The following CDH13 variants were observed in gnomAD, a reference collection of about 807,000 sequenced individuals.
CDH13 encodes cadherin-13.
CDH13 carries 24 observed loss-of-function variants against 63.8 expected under a neutral mutation model. The ratio of observed to expected loss-of-function variants is 0.38; its 90% CI spans 0.27 to 0.53. The LOEUF is 0.53. Among genes scored for constraint, CDH13 ranks in the 20% least tolerant of loss-of-function variants. The pLI is 0.85. For missense variants in CDH13, 1,049 were observed against 903.1 expected (o/e 1.16, Z -2.07); for synonymous variants, 503 against 355.3 (o/e 1.42, Z -4.67).
At chr16:82,784,792 G>C (rs767828333) in intron 1 of CDH13, among the ~76,000 whole-genome samples, 13 of 152,176 alleles carry the variant, frequency 8.5e-5, no homozygotes, top group Non-Finnish European at 1.9e-4. Context: ...TAACCAGGCA[G>C]ATGCACAGCA....
At chr16:83,748,801 G>T (rs1036735054) in intron 11 of CDH13, among the ~76,000 whole-genome samples, 67 of 152,198 alleles carry the variant, frequency 4.4e-4, no homozygotes, top group Non-Finnish European at 7.3e-5. Context: ...GGGCGCAGCA[G>T]TAAACAAAAA....
chr16:83,058,263 G>A (rs2031157721), intron 3 of CDH13, among the ~76,000 whole-genome samples: 1 of 152,072 alleles, frequency 6.6e-6, no homozygotes, highest in South Asian at 2.1e-4. Context: ...GTTGGTTACT[G>A]GGGAAAAACT....
At chr16:83,629,117 A>G (rs1433365671) in intron 8 of CDH13, among the ~76,000 whole-genome samples, 1 of 152,230 alleles carries the variant, frequency 6.6e-6, no homozygotes. Context: ...ATTCATTTCA[A>G]ATGGAAATAT....
intron 7 of CDH13, among the ~76,000 whole-genome samples, chr16:83,576,828 A>G (rs1388079546): frequency 2.6e-5 from 4 of 152,218 alleles, no homozygotes; most frequent in Non-Finnish European, 4.4e-5. Flanking sequence ...TGTTGATTCA[A>G]GTATTTTGCC....
intron 6 of CDH13, among the ~76,000 whole-genome samples, chr16:83,362,555 T>G (rs1597833827): frequency 6.6e-6 from 1 of 152,198 alleles, no homozygotes; most frequent in African/African-American, 2.4e-5. Flanking sequence ...TTTATCCCAT[T>G]CCATCCCCCC....
intron 1 of CDH13, among the ~76,000 whole-genome samples, chr16:82,772,299 A>C (rs2035300796): frequency 1.3e-5 from 2 of 152,096 alleles, no homozygotes; most frequent in Admixed American, 6.6e-5. Context: ...GGCCTTTGGG[A>C]ATGGAAGCAT....
chr16:82,795,043 C>A (rs1386070297), intron 1 of CDH13, among the ~76,000 whole-genome samples: 1 of 152,150 alleles, frequency 6.6e-6, no homozygotes, highest in African/African-American at 2.4e-5. Flanking sequence ...CCCTCCTTTG[C>A]CTCATAGTCT....
At chr16:83,271,619 G>A (rs977014264) in intron 5 of CDH13, among the ~76,000 whole-genome samples, 1 of 151,512 alleles carries the variant, frequency 6.6e-6, no homozygotes, top group Non-Finnish European at 1.5e-5. Flanking sequence ...TCATACAACC[G>A]CTGGTTTCTC....
chr16:83,026,055 G>A (rs1482380418), intron 2 of CDH13, among the ~76,000 whole-genome samples: 1 of 152,212 alleles, frequency 6.6e-6, no homozygotes, highest in East Asian at 1.9e-4. Context: ...GAGTTGGTAA[G>A]TGGTATCAAA....
chr16:83,508,656 T>A (rs1298863796), intron 7 of CDH13, among the ~76,000 whole-genome samples: 1 of 152,154 alleles, frequency 6.6e-6, no homozygotes, highest in African/African-American at 2.4e-5. Flanking sequence ...CCCCAGTGAG[T>A]TTGAACACCA....
chr16:82,689,031 C>G (rs1428743054), intron 1 of CDH13: 2 of 152,198 alleles, frequency 1.3e-5, no homozygotes, highest in African/African-American at 4.8e-5. Flanking sequence ...CATTTAAGAA[C>G]TAGGTCAGCT....
chr16:83,252,555 C>G (rs1258748111), intron 5 of CDH13, among the ~76,000 whole-genome samples: 2 of 152,086 alleles, frequency 1.3e-5, no homozygotes, highest in South Asian at 2.1e-4. Context: ...GGGGCTTAGG[C>G]TGAGCCAAGT....
At chr16:83,057,780 A>G (rs2031099080) in intron 3 of CDH13, among the ~76,000 whole-genome samples, 1 of 152,154 alleles carries the variant, frequency 6.6e-6, no homozygotes, top group South Asian at 2.1e-4. Context: ...CCACTCCAGA[A>G]AAGGGGTGAG....
intron 5 of CDH13, among the ~76,000 whole-genome samples, chr16:83,320,279 C>A (rs905680796): frequency 6.6e-6 from 1 of 151,982 alleles, no homozygotes; most frequent in African/African-American, 2.4e-5. Context: ...CTGCTGGACT[C>A]AAGTGATCCT....
chr16:83,176,293 C>T (rs952544980), intron 4 of CDH13, among the ~76,000 whole-genome samples: 2 of 151,934 alleles, frequency 1.3e-5, no homozygotes, highest in African/African-American at 2.4e-5. Flanking sequence ...AGGCAGACCA[C>T]GAGGTCAGGA....
At chr16:83,119,756 A>T (rs1567848748) in intron 3 of CDH13, among the ~76,000 whole-genome samples, 1 of 152,194 alleles carries the variant, frequency 6.6e-6, no homozygotes, top group Non-Finnish European at 1.5e-5. Flanking sequence ...ATGTCAGTCA[A>T]ATCATGTATG....
At chr16:82,810,078 T>C (rs2037364633) in intron 1 of CDH13, among the ~76,000 whole-genome samples, 1 of 152,198 alleles carries the variant, frequency 6.6e-6, no homozygotes, top group South Asian at 2.1e-4. Flanking sequence ...TAGGAATTAC[T>C]TAGTTGCTGA....
At chr16:83,360,949 T>G (rs1834055) in intron 6 of CDH13, among the ~76,000 whole-genome samples, 13,130 of 152,250 alleles carry the variant, frequency 0.086, 768 homozygotes, top group Non-Finnish European at 0.13. Context: ...GAACAATTTA[T>G]TTTATTTTGG....
chr16:83,552,525 C>T (rs922849124), intron 7 of CDH13, among the ~76,000 whole-genome samples: 4 of 152,154 alleles, frequency 2.6e-5, no homozygotes, highest in Non-Finnish European at 4.4e-5. Flanking sequence ...ATGTTGATAC[C>T]GCAGAATATA....
Sources: gnomAD v4.1 joint callset for allele counts (sites outside exome capture counted in the v4.1 genomes callset) on GRCh38, gnomAD v4.1.1 for gene constraint, MANE v1.5 for transcripts, NCBI Gene and HGNC (gene_info 2026-07-23, HGNC 2026-07-21) for gene names.